Variants in ZNF519 observed in about 807,000 individuals in gnomAD.
ZNF519 encodes zinc finger protein 519.
ZNF519 carries 7 observed loss-of-function variants against 7.4 expected under a neutral mutation model. That is an observed-to-expected ratio of 0.94 (90% CI 0.54 to 1.77). The LOEUF is 1.77. ZNF519 is among the 40% of genes most tolerant of loss of function. ZNF519 has a pLI of 0.00. For missense variants in ZNF519, 586 were observed against 623.1 expected (o/e 0.94, Z 0.63); for synonymous variants, 179 against 203.3 (o/e 0.88, Z 1.02).
chr18:14,086,315 C>T (rs762431129), intron 2 of ZNF519, among the ~76,000 whole-genome samples: 33 of 152,184 alleles, frequency 2.2e-4, no homozygotes, highest in Non-Finnish European at 4.3e-4. Context: ...GCCCACATCA[C>T]CACTGACTCT....
intron 1 of ZNF519, among the ~76,000 whole-genome samples, chr18:14,129,004 G>A (rs977906280): frequency 1.3e-5 from 2 of 152,080 alleles, no homozygotes; most frequent in African/African-American, 4.8e-5. Context: ...CATGAAAGAG[G>A]ATTTGTGGGG....
chr18:14,122,566 G>C (rs1039459002), intron 2 of ZNF519: 46 of 152,034 alleles, frequency 3.0e-4, no homozygotes, highest in African/African-American at 1.1e-3. Context: ...AGTGATAAAG[G>C]GGACATTGGG....
At chr18:14,130,349 T>C (rs2046323374) in intron 1 of ZNF519, among the ~76,000 whole-genome samples, 1 of 152,198 alleles carries the variant, frequency 6.6e-6, no homozygotes, top group African/African-American at 2.4e-5. Flanking sequence ...CCACACTTCA[T>C]TCTGCCCACC....
rs2046192597 is a variant in ZNF519, at chr18:14,106,363, T to A, written c.177A>T (p.Ile59=). ...GTGTTGCTTTTTTGAATGAATCTTG[T>A]ATGCCTTGCTCTGGTAAAATGCCTT... is the stretch of plus-strand genomic sequence containing the variant. ...YNQGILPEQG[I]QDSFKKATLG... Residue 59 remains isoleucine (I), a synonymous_variant, in exon 3 of 3, where the codon ATA becomes ATT. Coordinates refer to ENST00000590202, the MANE Select transcript of ZNF519 (RefSeq NM_145287.4). 1 of 1,612,016 alleles carries A rather than the reference T, an allele frequency of 6.2e-7. No individual in the cohort carries two copies. Among genetic ancestry groups the A allele is most frequent in the Non-Finnish European group, 8.5e-7 (1 of 1,179,392 alleles).
downstream of ZNF519, chr18:14,071,559 T>C (rs1445070477): frequency 1.3e-5 from 2 of 152,202 alleles, no homozygotes; most frequent in African/African-American, 4.8e-5. Flanking sequence ...CATATTACGA[T>C]TATAAAGTGT....
At chr18:14,128,675 G>A (rs1453266548) in intron 1 of ZNF519, among the ~76,000 whole-genome samples, 1 of 119,066 alleles carries the variant, frequency 8.4e-6, no homozygotes, top group African/African-American at 3.2e-5. Flanking sequence ...CCTAGATTAA[G>A]ACAATTCTGA....
At chr18:14,076,264 T>C (rs984978302) in exon 5 of ZNF519, 7 of 152,322 alleles carry the variant, frequency 4.6e-5, no homozygotes, top group Admixed American at 4.6e-4. Context: ...ATGATTGTGG[T>C]AATCTCTTAT....
intron 3 of ZNF519, among the ~76,000 whole-genome samples, chr18:14,080,470 C>A (rs1272482325): frequency 6.6e-6 from 1 of 151,896 alleles, no homozygotes; most frequent in Admixed American, 6.6e-5. Flanking sequence ...TACAGGCACA[C>A]GCCACCATGC....
intron 3 of ZNF519, chr18:14,080,096 C>A (rs12959907): frequency 6.6e-6 from 1 of 151,936 alleles, no homozygotes; most frequent in Non-Finnish European, 1.5e-5. Context: ...CCAAAGAAGA[C>A]ACACAGATGA....
At chr18:14,132,174 C>A (rs1313758617) in intron 1 of ZNF519, 101 bp downstream of exon 1, 1 of 1,403,634 alleles carries the variant, frequency 7.1e-7, no homozygotes, top group East Asian at 2.3e-5. Context: ...GAGGGCTGAG[C>A]TGCAGACTCG....
At chr18:14,113,999 T>C (rs1285920049) in intron 2 of ZNF519, among the ~76,000 whole-genome samples, 1 of 152,210 alleles carries the variant, frequency 6.6e-6, no homozygotes, top group Non-Finnish European at 1.5e-5. Context: ...AATTTTATCC[T>C]ATAGAGTTGT....
At chr18:14,123,809 A>G (rs1005127078) in intron 2 of ZNF519, among the ~76,000 whole-genome samples, 6 of 152,216 alleles carry the variant, frequency 3.9e-5, no homozygotes, top group Non-Finnish European at 8.8e-5. Context: ...AACTACCACT[A>G]ATCTAGAGTA....
intron 4 of ZNF519, among the ~76,000 whole-genome samples, chr18:14,077,894 T>C (rs7232396): frequency 0.029 from 4,392 of 152,292 alleles, 215 homozygotes; most frequent in African/African-American, 0.1. Context: ...TGGTAAAGAA[T>C]GTATCAATAG....
At chr18:14,112,280 T>C (rs72636765) in intron 2 of ZNF519, among the ~76,000 whole-genome samples, 31,260 of 152,000 alleles carry the variant, frequency 0.21, 3,992 homozygotes, top group East Asian at 0.68. Context: ...TATCCCCTCA[T>C]GACAGAAACC....
chr18:14,087,113 G>C, intron 2 of ZNF519, among the ~76,000 whole-genome samples: 1 of 152,152 alleles, frequency 6.6e-6, no homozygotes, highest in East Asian at 1.9e-4. Flanking sequence ...TGATACATCA[G>C]ATTAATGGAA....
intron 2 of ZNF519, among the ~76,000 whole-genome samples, chr18:14,120,687 CAAT>C (rs891936700): frequency 1.1e-4 from 16 of 151,952 alleles, no homozygotes; most frequent in African/African-American, 3.4e-4. Flanking sequence ...CAAAGCAAAA[CAAT>C]GATGATGATA....
intron 4 of ZNF519, among the ~76,000 whole-genome samples, chr18:14,078,049 A>G (rs1459982416): frequency 6.6e-6 from 1 of 152,154 alleles, no homozygotes; most frequent in Non-Finnish European, 1.5e-5. Flanking sequence ...TCAGATGATC[A>G]GGCATTACAG....
chr18:14,122,979 T>C (rs1233607503), intron 2 of ZNF519: 4 of 139,136 alleles, frequency 2.9e-5, no homozygotes, highest in African/African-American at 1.1e-4. Flanking sequence ...CCTTCCTGTG[T>C]CCATGTGTTC....
rs555662384 is a variant in ZNF519 at position 14,132,285 on chromosome 18, C to T, written c.-8G>A. ...GCCCCCCACACTCACCATTTCTCGG[C>T]TTCAGGGGTGTCCTGGAGTCTTAGC... On this transcript the variant is annotated 5_prime_UTR_variant, in exon 1 of 3. Transcript: ENST00000590202. 6.2e-7 allele frequency: 1 copy of T among 1,613,932 alleles called. No homozygotes were observed. The highest frequency in any genetic ancestry group is 2.2e-5 in the East Asian group (1 of 44,886).
Sources: allele counts gnomAD v4.1 joint callset (sites outside exome capture counted in the v4.1 genomes callset), GRCh38; gene constraint gnomAD v4.1.1; transcripts MANE v1.5; gene names NCBI Gene and HGNC (gene_info 2026-07-23, HGNC 2026-07-21).